The following PHKA1 variants were observed in gnomAD, a reference collection of about 807,000 sequenced individuals.
The protein encoded by PHKA1 is phosphorylase kinase regulatory subunit alpha 1.
In PHKA1, 60 loss-of-function variants were observed where a neutral mutation model predicts 110.2. The ratio of observed to expected loss-of-function variants is 0.54; its 90% CI spans 0.44 to 0.68. PHKA1 has a LOEUF of 0.68. Ranked by LOEUF, PHKA1 falls within the 30% of genes least tolerant of loss-of-function variation. The pLI, the probability that PHKA1 is intolerant of heterozygous loss-of-function variation, is 0.00. For synonymous variants in PHKA1, 316 were observed against 333.6 expected, an observed-to-expected ratio of 0.95 and a Z score of 0.58; for missense variants, 801 against 942.5, an observed-to-expected ratio of 0.85 and a Z score of 1.97.
intron 29 of PHKA1, among the ~76,000 whole-genome samples, chrX:72,586,869 A>G (rs782070556): frequency 9.0e-6 from 1 of 110,507 alleles, no homozygotes; most frequent in South Asian, 3.9e-4. Flanking sequence ...AAGCGAGAAG[A>G]GAAGTGTAGA....
At chrX:72,593,337 T>C (rs782703719) in intron 28 of PHKA1, 63 bp from the exon 29 acceptor site, 17 of 866,793 alleles carry the variant, frequency 2.0e-5, no homozygotes, top group Admixed American at 5.5e-5. Flanking sequence ...ATGAAGTCTT[T>C]GAACTTTTTT....
intron 7 of PHKA1, 100 bp downstream of exon 7, chrX:72,667,275 C>T (rs926378166): frequency 1.1e-4 from 64 of 597,888 alleles, no homozygotes; most frequent in Non-Finnish European, 1.7e-4. Flanking sequence ...TCAGATGATG[C>T]ACTGTCTCTC....
chrX:72,627,911 G>A lies in PHKA1; in HGVS notation c.1715-862C>T, dbSNP rs1014788704. On this transcript the variant is annotated intron_variant, in intron 16 of 31. Coordinates refer to ENST00000373542, the MANE Select transcript of PHKA1 (RefSeq NM_002637.4). ...CGGCTCACTGCAAGCTCCGCCTCCCGGGTTCACGCCATTCTCCGGCCTCAG... is the reference window on the plus strand; with the variant it reads ...CGGCTCACTGCAAGCTCCGCCTCCCAGGTTCACGCCATTCTCCGGCCTCAG... Among the ~76,000 whole-genome samples the A allele has an allele frequency of 3.9e-5, 4 of 102,543 alleles. No homozygotes were observed. The Admixed American group carries it at 4.3e-4, about 11-fold the overall frequency. 89.0% of individuals were successfully genotyped at this position (102,543 alleles called of 115,157 possible).
At chrX:72,583,697 A>G (rs1206800002) in intron 30 of PHKA1, among the ~76,000 whole-genome samples, 3 of 112,772 alleles carry the variant, frequency 2.7e-5, no homozygotes, top group East Asian at 5.5e-4. Flanking sequence ...AAAGGAAAAT[A>G]TAAAAGCATC....
intron 29 of PHKA1, among the ~76,000 whole-genome samples, chrX:72,585,440 C>T (rs782191102): frequency 8.9e-6 from 1 of 111,996 alleles, no homozygotes; most frequent in South Asian, 3.7e-4. Context: ...TATAAAAAAC[C>T]TTGGGTCTCC....
intron 2 of PHKA1, among the ~76,000 whole-genome samples, chrX:72,706,781 C>T (rs2054290274): frequency 9.0e-6 from 1 of 111,543 alleles, no homozygotes; most frequent in East Asian, 2.8e-4. Context: ...CCCATCAACT[C>T]CCTTTACCCT....
intron 28 of PHKA1, among the ~76,000 whole-genome samples, chrX:72,597,340 G>A (rs782149952): frequency 3.6e-5 from 4 of 111,554 alleles, no homozygotes; most frequent in Admixed American, 2.9e-4. Flanking sequence ...TTTGATACAC[G>A]CCAGACAGAG....
intron 5 of PHKA1, among the ~76,000 whole-genome samples, chrX:72,682,028 G>T (rs1603270682): frequency 1.2e-5 from 1 of 85,700 alleles, no homozygotes; most frequent in African/African-American, 4.1e-5. Flanking sequence ...GGAGGGAGGT[G>T]GGGGGGTCGG....
chrX:72,702,375 G>A (rs1173665809), intron 3 of PHKA1, among the ~76,000 whole-genome samples: 1 of 109,099 alleles, frequency 9.2e-6, no homozygotes, highest in Admixed American at 9.7e-5. Flanking sequence ...ACTTGAACCC[G>A]GGAGGCGGAG....
At chrX:72,703,749 A>G (rs2054238919) in intron 3 of PHKA1, among the ~76,000 whole-genome samples, 1 of 112,066 alleles carries the variant, frequency 8.9e-6, no homozygotes, top group Non-Finnish European at 1.9e-5. Flanking sequence ...CTTTCTATCT[A>G]TCATATATTT....
chrX:72,640,234 C>A (rs1328409001), intron 14 of PHKA1, among the ~76,000 whole-genome samples: 7 of 111,179 alleles, frequency 6.3e-5, no homozygotes, highest in African/African-American at 2.3e-4. Flanking sequence ...GGGCAAATAA[C>A]AAAATAGCAA....
chrX:72,607,564 C>T (rs1402301983), intron 23 of PHKA1, among the ~76,000 whole-genome samples: 2 of 111,831 alleles, frequency 1.8e-5, no homozygotes, highest in Middle Eastern at 8.4e-3. Flanking sequence ...ATTTTTAAAA[C>T]AGACTATTAG....
At chrX:72,658,613 A>T (rs1347014310) in intron 8 of PHKA1, among the ~76,000 whole-genome samples, 2 of 111,577 alleles carry the variant, frequency 1.8e-5, no homozygotes, top group Non-Finnish European at 3.8e-5. Flanking sequence ...CCTCCAATCT[A>T]TGACAGTTCC....
intron 3 of PHKA1, among the ~76,000 whole-genome samples, chrX:72,698,384 CTT>C (rs1447192728): frequency 1.2e-4 from 13 of 112,167 alleles, no homozygotes; most frequent in Admixed American, 5.6e-4. Flanking sequence ...GTTTATGTAA[CTT>C]AAGTAAAATC....
intron 28 of PHKA1, among the ~76,000 whole-genome samples, chrX:72,594,174 T>C (rs1259735762): frequency 9.1e-6 from 1 of 110,405 alleles, no homozygotes; most frequent in African/African-American, 3.3e-5. Flanking sequence ...GAACAATTTA[T>C]GTTATAAATG....
intron 21 of PHKA1, among the ~76,000 whole-genome samples, chrX:72,614,763 G>A (rs1022833984): frequency 6.3e-5 from 7 of 111,195 alleles, no homozygotes; most frequent in Non-Finnish European, 1.3e-4. Context: ...ATGCTGTAGC[G>A]AGAGGCAGGG....
chrX:72,660,915 GAAGT>G (rs782043029), intron 8 of PHKA1, among the ~76,000 whole-genome samples: 101 of 112,224 alleles, frequency 9.0e-4, no homozygotes, highest in African/African-American at 3.2e-3. Context: ...TTGTTTTATA[GAAGT>G]AATTTGTAGA....
intron 6 of PHKA1, among the ~76,000 whole-genome samples, chrX:72,671,020 T>C (rs1255983415): frequency 9.0e-6 from 1 of 111,553 alleles, no homozygotes; most frequent in Non-Finnish European, 1.9e-5. Flanking sequence ...CTTTGAAAAC[T>C]GGAACAAGAC....
chrX:72,710,042 C>CA (rs374071163), intron 2 of PHKA1, among the ~76,000 whole-genome samples: 1,190 of 17,581 alleles, frequency 0.068, 21 homozygotes, highest in Non-Finnish European at 0.079. Context: ...ACTTAGTCTT[C>CA]AAAAAAAAAA....
Sources: gnomAD v4.1 joint callset for allele counts (sites outside exome capture counted in the v4.1 genomes callset) on GRCh38, gnomAD v4.1.1 for gene constraint, MANE v1.5 for transcripts, NCBI Gene and HGNC (gene_info 2026-07-23, HGNC 2026-07-21) for gene names.